The following ABLIM2 variants were observed in gnomAD, a reference collection of about 807,000 sequenced individuals.
ABLIM2 encodes the protein actin binding LIM protein family member 2, also known as actin-binding LIM protein 2.
A neutral mutation model predicts 97.7 loss-of-function variants in ABLIM2; 53 were observed. That is an observed-to-expected ratio of 0.54 (90% CI 0.44 to 0.68). The LOEUF (loss-of-function observed/expected upper bound fraction) is 0.68. ABLIM2 is among the 30% of genes least tolerant of loss of function. ABLIM2 has a pLI of 0.00. For missense variants in ABLIM2, 835 were observed against 867.2 expected, an observed-to-expected ratio of 0.96 and a Z score of 0.47; for synonymous variants, 361 against 345.8, an observed-to-expected ratio of 1.04 and a Z score of -0.49.
chr4:8,039,874 G>T (rs372835661), intron 9 of ABLIM2, among the ~76,000 whole-genome samples: 47 of 108,588 alleles, frequency 4.3e-4, no homozygotes, highest in South Asian at 9.6e-4. Context: ...GCTGATTACT[G>T]TTTTTTTTTT....
rs1167615555 is a variant in ABLIM2, at chr4:7,980,941, A to ATTTTTTTTTTTTTTTTTTTTTTTTTTT, written c.1824+2322_1824+2323insAAAAAAAAAAAAAAAAAAAAAAAAAAA. 1.1e-3 allele frequency among the ~76,000 whole-genome samples: 90 copies of ATTTTTTTTTTTTTTTTTTTTTTTTTTT among 82,968 alleles called. 14 individuals are homozygous for ATTTTTTTTTTTTTTTTTTTTTTTTTTT. The highest frequency in any genetic ancestry group is 1.2e-3 in the African/African-American group (22 of 18,104). 54.4% of individuals were successfully genotyped at this position (82,968 alleles called of 152,430 possible). A position where few individuals can be genotyped will look rare whatever the true frequency, so the allele number is the denominator to read the frequency against. On this transcript the variant is annotated intron_variant, in intron 20 of 20. Coordinates refer to ENST00000447017, the MANE Select transcript of ABLIM2 (RefSeq NM_001130083.2). ...AGAACCATGGTCTCCACAACCCCTT[A>ATTTTTTTTTTTTTTTTTTTTTTTTTTT]TTTTTTTTTTTTTTTTTTTTGAGAT...
rs1007476040 is a variant in ABLIM2, at chr4:7,995,082, T to A, written c.1619-2155A>T. 3.3e-5 allele frequency among the ~76,000 whole-genome samples: 2 copies of A among 59,950 alleles called. 1 individual carries two copies. Among genetic ancestry groups the A allele is most frequent in the African/African-American group, 7.8e-5 (2 of 25,750 alleles). The allele number at this position is 59,950 out of a possible 152,430, so 39.3% of individuals were successfully genotyped here. On this transcript the variant is annotated intron_variant, in intron 16 of 20. Transcript: ENST00000447017. Reference sequence around the variant, plus strand: ...CAAAAAACACATGAAGAAATGCTCATCATCACTGGCCATCAGAGAAATGCA... The same window carrying A: ...CAAAAAACACATGAAGAAATGCTCAACATCACTGGCCATCAGAGAAATGCA...
At chr4:8,000,810 G>A (rs1008257537) in intron 16 of ABLIM2, among the ~76,000 whole-genome samples, 2 of 152,154 alleles carry the variant, frequency 1.3e-5, no homozygotes, top group African/African-American at 4.8e-5. Context: ...GGCACTAAGA[G>A]TCCATGGGGA....
At chr4:8,031,731 T>A (rs1055672539) in intron 10 of ABLIM2, among the ~76,000 whole-genome samples, 1 of 151,570 alleles carries the variant, frequency 6.6e-6, no homozygotes, top group African/African-American at 2.4e-5. Flanking sequence ...TATACATTTT[T>A]TTTTTTTTTT....
At chr4:8,039,150 G>A (rs1417772364) in intron 9 of ABLIM2, among the ~76,000 whole-genome samples, 2 of 152,208 alleles carry the variant, frequency 1.3e-5, no homozygotes, top group Non-Finnish European at 2.9e-5. Context: ...CAGCTGTGAG[G>A]TTGACAGCAG....
In ABLIM2 at chr4:8,033,293, G is replaced by T. The variant is rs1000571463; in HGVS notation, c.1047+2856C>A. ...AGCAAGCATTGGGAAAGAGAACGCC[G>T]TTCCCACAGCAGAGCGGGGAGGCAC... On this transcript the variant is annotated intron_variant, in intron 10 of 20. Transcript: ENST00000447017. This position sits in a 1 kb window ranked among gnomAD's most constrained non-coding sequence, Gnocchi z 4.5. 2.6e-5 allele frequency among the ~76,000 whole-genome samples: 4 copies of T among 152,178 alleles called. No homozygotes were observed. Among genetic ancestry groups the T allele is most frequent in the Admixed American group, 6.5e-5 (1 of 15,290 alleles).
chr4:7,985,659 C>T (rs190655281), intron 17 of ABLIM2, among the ~76,000 whole-genome samples: 99 of 152,292 alleles, frequency 6.5e-4, no homozygotes, highest in African/African-American at 2.3e-3. Flanking sequence ...CCTGGCATGT[C>T]ACCTGGCATG....
At chr4:8,091,803 T>A (rs533649901) in intron 3 of ABLIM2, among the ~76,000 whole-genome samples, 1 of 81,854 alleles carries the variant, frequency 1.2e-5, no homozygotes, top group Non-Finnish European at 1.9e-5. Flanking sequence ...AGAATTAATA[T>A]ATTATATATT....
rs899853858 is a variant in ABLIM2, at chr4:8,075,876, GGATACAACATGGCACAGATGGTTTGA to G, written c.675+1726_675+1751del. Among the ~76,000 whole-genome samples, 1 of 152,148 alleles carries G rather than the reference GGATACAACATGGCACAGATGGTTTGA, an allele frequency of 6.6e-6. No homozygotes were observed. The highest frequency in any genetic ancestry group is 1.5e-5 in the Non-Finnish European group (1 of 68,032). ...GAGTTGGGAAACACAGGGATGTTTG[GGATACAACATGGCACAGATGGTTTGA>G]GATCAACTATGATTACATGGAAAGA... On this transcript the variant is annotated intron_variant, in intron 6 of 20. Coordinates refer to ENST00000447017, the MANE Select transcript of ABLIM2 (RefSeq NM_001130083.2). The surrounding 1 kb of genome is among the most constrained non-coding windows in gnomAD (Gnocchi z 4.4).
At position 8,032,598 on chromosome 4, in the gene ABLIM2, C is replaced by T. The variant is rs906805990; in HGVS notation, c.1048-2822G>A. 1 of 1,611,048 alleles carries T rather than the reference C, an allele frequency of 6.2e-7. No individual in the cohort carries two copies. Among genetic ancestry groups the T allele is most frequent in the Non-Finnish European group, 8.5e-7 (1 of 1,179,092 alleles). ...CGGCTGGGTGGTTATGTTTATAACC[C>T]AGGCAGCAGCGCCACGGCAAGCGGG... On this transcript the variant is annotated intron_variant, in intron 10 of 20. Coordinates refer to ENST00000447017, the MANE Select transcript of ABLIM2 (RefSeq NM_001130083.2). The surrounding 1 kb of genome is among the most constrained non-coding windows in gnomAD (Gnocchi z 4.3).
chr4:7,989,922 T>C (rs1318951012), intron 17 of ABLIM2, among the ~76,000 whole-genome samples: 1 of 152,182 alleles, frequency 6.6e-6, no homozygotes. Context: ...GTTGCTCCAT[T>C]CACTTCAAGG....
At position 8,054,262 on chromosome 4, in the gene ABLIM2, C is replaced by A. The variant is rs777962526; in HGVS notation, c.764-16G>T. On this transcript the variant is annotated splice_polypyrimidine_tract_variant and intron_variant, in intron 7 of 20. Coordinates refer to ENST00000447017, the MANE Select transcript of ABLIM2 (RefSeq NM_001130083.2). This position sits in a 1 kb window ranked among gnomAD's most constrained non-coding sequence, Gnocchi z 4.9. ...ATGGAGGAACCTGTTGACAAATTCC[C>A]AAGAGGGAAATGATTAGAGTTATTT... 8 of 1,613,818 alleles carry A rather than the reference C, an allele frequency of 5.0e-6. No homozygotes were observed. Among genetic ancestry groups the A allele is most frequent in the East Asian group, 4.5e-5 (2 of 44,874 alleles).
rs1265561560 is a variant in ABLIM2, at chr4:8,005,603, G to A, written c.1618+2456C>T. ...TCAATCTCCATGTGCTCCCCTTCCC[G>A]CCTGGATTCCTCAGGAGGCCGCAGA... On this transcript the variant is annotated intron_variant, in intron 16 of 20. Coordinates refer to ENST00000447017, the MANE Select transcript of ABLIM2 (RefSeq NM_001130083.2). The surrounding 1 kb of genome is among the most constrained non-coding windows in gnomAD (Gnocchi z 4.9). 1.3e-5 allele frequency among the ~76,000 whole-genome samples: 2 copies of A among 152,118 alleles called. No homozygotes were observed. The highest frequency in any genetic ancestry group is 2.9e-5 in the Non-Finnish European group (2 of 68,018).
At chr4:8,104,051 T>C (rs1835971298) in intron 2 of ABLIM2, among the ~76,000 whole-genome samples, 2 of 152,202 alleles carry the variant, frequency 1.3e-5, no homozygotes, top group Non-Finnish European at 2.9e-5. Context: ...TGAAATCCAC[T>C]AGCTGCAGGG....
Position 8,004,121 on chromosome 4 carries a change from C to CTGCTGCCGGGAA in ABLIM2, c.1618+3937_1618+3938insTTCCCGGCAGCA, listed in dbSNP as rs375553721. Among the ~76,000 whole-genome samples, 1 of 151,658 alleles carries CTGCTGCCGGGAA rather than the reference C, an allele frequency of 6.6e-6. No homozygotes were observed. The highest frequency in any genetic ancestry group is 2.4e-5 in the African/African-American group (1 of 41,140). On this transcript the variant is annotated intron_variant, in intron 16 of 20. Coordinates refer to ENST00000447017, the MANE Select transcript of ABLIM2 (RefSeq NM_001130083.2). The surrounding 1 kb of genome is among the most constrained non-coding windows in gnomAD (Gnocchi z 5.9). ...TGGTCCCCACCCACCACCTTCCCTT[C>CTGCTGCCGGGAA]CACAGAAAAGCTGCAGCAGGGTCGC...
Position 7,970,852 on chromosome 4 carries a change from T to C in ABLIM2, c.1825-3749A>G, listed in dbSNP as rs1727331639. 6.6e-6 allele frequency among the ~76,000 whole-genome samples: 1 copy of C among 151,812 alleles called. No homozygotes were observed. Among genetic ancestry groups the C allele is most frequent in the South Asian group, 2.1e-4 (1 of 4,814 alleles). The stretch of plus-strand genomic sequence containing the variant: ...GGAGGGGCCGGGGGTGTCCCGAGCA[T>C]GTGGGCTGGGCCAGGCCACTCGTAT... On this transcript the variant is annotated intron_variant, in intron 20 of 20. Coordinates refer to ENST00000447017, the MANE Select transcript of ABLIM2 (RefSeq NM_001130083.2). This position sits in a 1 kb window ranked among gnomAD's most constrained non-coding sequence, Gnocchi z 5.3.
chr4:8,130,734 G>A lies in ABLIM2; in HGVS notation c.11-24097C>T, dbSNP rs1362201433. Reference sequence around the variant, plus strand: ...GGAGGAGGAATTAGCCAGGCCCAGGGAGGGGAGAGACGGTCTGGGCAGAGA... The same window carrying A: ...GGAGGAGGAATTAGCCAGGCCCAGGAAGGGGAGAGACGGTCTGGGCAGAGA... On this transcript the variant is annotated intron_variant, in intron 1 of 20. Transcript: ENST00000447017. This position sits in a 1 kb window ranked among gnomAD's most constrained non-coding sequence, Gnocchi z 4.2. Among the ~76,000 whole-genome samples the A allele has an allele frequency of 6.6e-6, 1 of 152,188 alleles. No homozygotes were observed. The highest frequency in any genetic ancestry group is 2.4e-5 in the African/African-American group (1 of 41,440).
rs1354051838 is a variant in ABLIM2 at position 8,002,149 on chromosome 4, G to C, written c.1618+5910C>G. 6.6e-6 allele frequency among the ~76,000 whole-genome samples: 1 copy of C among 152,154 alleles called. No individual in the cohort carries two copies. The highest frequency in any genetic ancestry group is 6.5e-5 in the Admixed American group (1 of 15,282). On this transcript the variant is annotated intron_variant, in intron 16 of 20. Transcript: ENST00000447017. This position sits in a 1 kb window ranked among gnomAD's most constrained non-coding sequence, Gnocchi z 6.1. ...CCCACGGTTCCAGTCCCATCTGGGA[G>C]CCGGGGACCCTCAGTCTCTGCCTCC...
At position 8,083,171 on chromosome 4, in the gene ABLIM2, A is replaced by G. The variant is rs1461587716; in HGVS notation, c.455-2369T>C. 1.3e-5 allele frequency among the ~76,000 whole-genome samples: 2 copies of G among 152,130 alleles called. No individual in the cohort carries two copies. The highest frequency in any genetic ancestry group is 2.9e-5 in the Non-Finnish European group (2 of 68,036). ...GCCTCTGTTGGCTTCTCTGCATGTC[A>G]AGGGAGCACAGCACATGGGGCTGTG... On this transcript the variant is annotated intron_variant, in intron 4 of 20. Coordinates refer to ENST00000447017, the MANE Select transcript of ABLIM2 (RefSeq NM_001130083.2). This position sits in a 1 kb window ranked among gnomAD's most constrained non-coding sequence, Gnocchi z 4.6.
Sources: gnomAD v4.1 joint callset for allele counts (sites outside exome capture counted in the v4.1 genomes callset) on GRCh38, gnomAD v4.1.1 for gene constraint, Gnocchi (gnomAD v3.1) non-coding constraint, MANE v1.5 for transcripts, NCBI Gene and HGNC (gene_info 2026-07-23, HGNC 2026-07-21) for gene names.